The following PRSS23 variants were observed in gnomAD, a reference collection of about 807,000 sequenced individuals.
PRSS23 encodes the protein serine protease 23.
A neutral mutation model predicts 34.7 loss-of-function variants in PRSS23; 25 were observed. The observed-to-expected ratio is 0.72, with a 90% CI of 0.53 to 1.01. The LOEUF is 1.01. PRSS23 is among the 50% of genes least tolerant of loss of function. The pLI is 0.00. For missense variants in PRSS23, 445 were observed against 475.6 expected, an observed-to-expected ratio of 0.94 and a Z score of 0.60; for synonymous variants, 176 against 186.6, an observed-to-expected ratio of 0.94 and a Z score of 0.46.
chr11:86,901,036 C>T lies in PRSS23; in HGVS notation c.207-50180C>T, dbSNP rs539800684. On this transcript the variant is annotated intron_variant, in intron 2 of 2. Transcript: ENST00000533902. ...CTAACCTCAGGTGGTCCGCCCACCTCAGCCTCCCAAAGTGCTGGGATTACA... is the reference window on the plus strand; with the variant it reads ...CTAACCTCAGGTGGTCCGCCCACCTTAGCCTCCCAAAGTGCTGGGATTACA... 1.6e-3 allele frequency among the ~76,000 whole-genome samples: 241 copies of T among 152,128 alleles called. 4 individuals carry two copies. Among genetic ancestry groups the T allele is most frequent in the Middle Eastern group, 0.014 (4 of 294 alleles).
upstream of PRSS23, among the ~76,000 whole-genome samples, chr11:86,799,245 GAAAAT>G (rs1226470335): frequency 2.6e-5 from 4 of 151,990 alleles, no homozygotes; most frequent in South Asian, 2.1e-4. Context: ...TACTTGTCTT[GAAAAT>G]AAAATAAAAG....
intron 2 of PRSS23, among the ~76,000 whole-genome samples, chr11:86,845,977 A>G (rs983878629): frequency 2.0e-5 from 3 of 152,214 alleles, no homozygotes; most frequent in African/African-American, 7.2e-5. Context: ...AAGACATGTC[A>G]CAAAATAATT....
At chr11:86,904,912 A>C (rs1485772924) in intron 2 of PRSS23, among the ~76,000 whole-genome samples, 1 of 151,786 alleles carries the variant, frequency 6.6e-6, no homozygotes, top group African/African-American at 2.4e-5. Context: ...TTTAATTAGC[A>C]GGGCCTGGTG....
At chr11:86,872,091 T>A (rs1012236979) in intron 2 of PRSS23, among the ~76,000 whole-genome samples, 1 of 152,206 alleles carries the variant, frequency 6.6e-6, no homozygotes, top group Admixed American at 6.5e-5. Context: ...ACTTAACTCT[T>A]GGTTTCAACT....
chr11:86,939,432 T>TTTTTTAAAA (rs1555084024), intron 2 of PRSS23, among the ~76,000 whole-genome samples: 4 of 111,616 alleles, frequency 3.6e-5, no homozygotes, highest in Non-Finnish European at 5.8e-5. Flanking sequence ...ATATATTTTT[T>TTTTTTAAAA]AACATGAGTA....
At chr11:86,872,361 A>G (rs1168209464) in intron 2 of PRSS23, among the ~76,000 whole-genome samples, 3 of 152,230 alleles carry the variant, frequency 2.0e-5, no homozygotes. Context: ...GTTCTTGAAT[A>G]TCAAGTTATT....
intron 2 of PRSS23, among the ~76,000 whole-genome samples, chr11:86,904,932 T>C (rs942247821): frequency 7.9e-5 from 12 of 151,940 alleles, no homozygotes; most frequent in Non-Finnish European, 1.6e-4. Flanking sequence ...GGTGCATGCC[T>C]GTAGTCCCAG....
At position 86,807,919 on chromosome 11, in the gene PRSS23, C is replaced by T. The variant is rs1453447462; in HGVS notation, c.276C>T (p.Ala92=). 2 of 1,614,170 alleles carry T rather than the reference C, an allele frequency of 1.2e-6. No homozygotes were observed. The highest frequency in any genetic ancestry group is 2.2e-5 in the South Asian group (2 of 91,068). ...KQYLSYETLY[A]NGSRTETQVG... ...ATCTGTCTTATGAAACGCTCTATGC[C>T]AATGGCAGCCGCACAGAGACGCAGG... The change falls in exon 2 of 2, where the codon GCC becomes GCT. Residue 92 remains alanine (A), a synonymous_variant. Coordinates refer to ENST00000280258, the MANE Select transcript of PRSS23 (RefSeq NM_007173.6).
chr11:86,845,255 T>C (rs1360888002), intron 2 of PRSS23, among the ~76,000 whole-genome samples: 1 of 152,158 alleles, frequency 6.6e-6, no homozygotes, highest in East Asian at 1.9e-4. Context: ...CAAAAGAAAC[T>C]CACTTGTTCC....
intron 2 of PRSS23, among the ~76,000 whole-genome samples, chr11:86,898,063 A>C (rs1358718544): frequency 6.6e-6 from 1 of 152,240 alleles, no homozygotes; most frequent in Non-Finnish European, 1.5e-5. Flanking sequence ...GGATGTTTTA[A>C]CACCAAATCT....
chr11:86,899,832 TAA>T (rs374256103), intron 2 of PRSS23, among the ~76,000 whole-genome samples: 11 of 144,510 alleles, frequency 7.6e-5, no homozygotes, highest in South Asian at 2.2e-4. Context: ...CCCCATTTCT[TAA>T]AAAAAAAAAA....
At chr11:86,906,013 C>A (rs547505547) in intron 2 of PRSS23, among the ~76,000 whole-genome samples, 1 of 152,296 alleles carries the variant, frequency 6.6e-6, no homozygotes, top group East Asian at 1.9e-4. Flanking sequence ...CTCATTCATT[C>A]ATTCATTCAA....
chr11:86,920,952 T>C (rs1949043975), intron 2 of PRSS23, among the ~76,000 whole-genome samples: 1 of 152,190 alleles, frequency 6.6e-6, no homozygotes, highest in Non-Finnish European at 1.5e-5. Flanking sequence ...TTTGCTACAG[T>C]AAGAAACTTT....
intron 2 of PRSS23, among the ~76,000 whole-genome samples, chr11:86,943,098 C>A (rs765751738): frequency 6.6e-6 from 1 of 152,238 alleles, no homozygotes; most frequent in Non-Finnish European, 1.5e-5. Flanking sequence ...TGGCCGTGCA[C>A]ACAGAGCTCC....
intron 2 of PRSS23, chr11:86,948,119 C>T (rs1038021384): frequency 4.6e-5 from 7 of 152,170 alleles, no homozygotes; most frequent in African/African-American, 1.7e-4. Context: ...CTGTTAAAAC[C>T]ACCTGTAACT....
At chr11:86,950,799 C>T in intron 2 of PRSS23, 1 of 353,046 alleles carries the variant, frequency 2.8e-6, no homozygotes, top group Non-Finnish European at 5.3e-6. Context: ...AGCTCAAATC[C>T]CACCCTGCAG....
At chr11:86,793,055 C>T (rs996341698) in intron 1 of PRSS23, among the ~76,000 whole-genome samples, 5 of 152,158 alleles carry the variant, frequency 3.3e-5, no homozygotes, top group African/African-American at 1.2e-4. Context: ...TGGGATTTCA[C>T]CATGTTGCCC....
chr11:86,837,766 CA>C (rs1336939710), intron 2 of PRSS23, among the ~76,000 whole-genome samples: 1 of 151,972 alleles, frequency 6.6e-6, no homozygotes, highest in African/African-American at 2.4e-5. Flanking sequence ...GACTCCATCT[CA>C]AAAAAAGAGA....
At chr11:86,890,410 T>C (rs1948833628) in intron 2 of PRSS23, among the ~76,000 whole-genome samples, 2 of 152,190 alleles carry the variant, frequency 1.3e-5, no homozygotes. Flanking sequence ...CAGCTGTTGA[T>C]AACACCAGTG....
Sources: gnomAD v4.1 joint callset for allele counts (sites outside exome capture counted in the v4.1 genomes callset) on GRCh38, gnomAD v4.1.1 for gene constraint, MANE v1.5 for transcripts, NCBI Gene and HGNC (gene_info 2026-07-23, HGNC 2026-07-21) for gene names.